Variants in CAMK4 observed in about 807,000 individuals in gnomAD.
CAMK4 encodes calcium/calmodulin-dependent protein kinase type IV.
Under a neutral mutation model 44.9 loss-of-function variants are expected in CAMK4, and 22 were observed. That is an observed-to-expected ratio of 0.49 (90% CI 0.35 to 0.70). CAMK4 has a LOEUF of 0.70. Ranked by LOEUF, CAMK4 falls within the 30% of genes least tolerant of loss-of-function variation. The pLI is 0.01. For synonymous variants in CAMK4, 218 were observed against 215.4 expected (o/e 1.01, Z -0.11); for missense variants, 498 against 586.8 (o/e 0.85, Z 1.56).
rs1345141186 is a variant in CAMK4, at chr5:111,491,650, T to C, written c.*7184T>C. ...TGAATTGAGTTGGTTGAGAGTAGAATTAAAAAGATTTCTAGCACTTTGAGC... is the reference window on the plus strand; with the variant it reads ...TGAATTGAGTTGGTTGAGAGTAGAACTAAAAAGATTTCTAGCACTTTGAGC... On this transcript the variant is annotated 3_prime_UTR_variant, in exon 11 of 11. Coordinates refer to ENST00000282356, the MANE Select transcript of CAMK4 (RefSeq NM_001744.6). 2.0e-5 allele frequency: 3 copies of C among 152,142 alleles called. No individual in the cohort carries two copies. The highest frequency in any genetic ancestry group is 7.2e-5 in the African/African-American group (3 of 41,442). The allele number at this position is 152,142 out of a possible 1,614,324, so 9.4% of individuals were successfully genotyped here. A position where few individuals can be genotyped will look rare whatever the true frequency, so the allele number is the denominator to read the frequency against.
chr5:111,241,189 T>C (rs891091779), intron 1 of CAMK4, among the ~76,000 whole-genome samples: 4 of 152,154 alleles, frequency 2.6e-5, no homozygotes, highest in African/African-American at 9.7e-5. Flanking sequence ...GCTTTTCTAC[T>C]GATGTCCTCT....
intron 5 of CAMK4, among the ~76,000 whole-genome samples, chr5:111,408,683 C>T (rs1193898629): frequency 5.3e-5 from 8 of 152,198 alleles, no homozygotes. Flanking sequence ...TCCAAAGTCT[C>T]AGCTGAGACA....
At chr5:111,381,536 C>T (rs1181671988) in intron 4 of CAMK4, among the ~76,000 whole-genome samples, 2 of 152,118 alleles carry the variant, frequency 1.3e-5, no homozygotes, top group African/African-American at 4.8e-5. Context: ...AGTCTTTCCA[C>T]GTTCTTCTGC....
intron 2 of CAMK4, among the ~76,000 whole-genome samples, chr5:111,353,240 C>T (rs1358691979): frequency 6.6e-6 from 1 of 151,692 alleles, no homozygotes; most frequent in Non-Finnish European, 1.5e-5. Flanking sequence ...CTCATGTTTC[C>T]TCACATGGTC....
intron 5 of CAMK4, 92 bp downstream of exon 5, chr5:111,394,874 A>G (rs901189898): frequency 4.0e-5 from 33 of 815,962 alleles, no homozygotes; most frequent in Admixed American, 1.9e-4. Flanking sequence ...GTGATAAGCC[A>G]TACATTTTAC....
chr5:111,393,691 C>G (rs2112859492), intron 4 of CAMK4, among the ~76,000 whole-genome samples: 1 of 151,994 alleles, frequency 6.6e-6, no homozygotes, highest in South Asian at 2.1e-4. Flanking sequence ...CAGAGAGGAA[C>G]AACACACACT....
chr5:111,270,035 C>T (rs1348069892), intron 1 of CAMK4: 2 of 152,520 alleles, frequency 1.3e-5, no homozygotes, highest in Non-Finnish European at 2.9e-5. Flanking sequence ...GATATGGCAG[C>T]GTTTCATTTC....
Position 111,490,898 on chromosome 5 carries a change from C to T in CAMK4, c.*6432C>T, listed in dbSNP as rs1746947171. 1 of 152,122 alleles carries T rather than the reference C, an allele frequency of 6.6e-6. No individual in the cohort carries two copies. The highest frequency in any genetic ancestry group is 1.5e-5 in the Non-Finnish European group (1 of 68,036). 9.4% of individuals were successfully genotyped at this position (152,122 alleles called of 1,614,324 possible). On this transcript the variant is annotated 3_prime_UTR_variant, in exon 11 of 11. Transcript: ENST00000282356. ...CCAACAGATGTTGCTGTGTTTCTTT[C>T]AACATTTTTCAATGTCTTGTGAGTT... is the stretch of plus-strand genomic sequence containing the variant.
intron 7 of CAMK4, among the ~76,000 whole-genome samples, chr5:111,470,324 C>T (rs1236887853): frequency 6.6e-6 from 1 of 152,168 alleles, no homozygotes; most frequent in Admixed American, 6.5e-5. Flanking sequence ...GAAAAGTTTT[C>T]TAGGAATAAT....
intron 1 of CAMK4, among the ~76,000 whole-genome samples, chr5:111,248,405 C>T (rs1420350713): frequency 6.6e-6 from 1 of 151,912 alleles, no homozygotes; most frequent in Non-Finnish European, 1.5e-5. Flanking sequence ...TAAGATCGAG[C>T]AGGTTCTATG....
chr5:111,372,541 CA>C (rs1158302425), intron 2 of CAMK4, among the ~76,000 whole-genome samples: 1 of 152,132 alleles, frequency 6.6e-6, no homozygotes, highest in Non-Finnish European at 1.5e-5. Context: ...CAAACGTGCA[CA>C]GGGGAGAGAG....
At position 111,224,711 on chromosome 5, in the gene CAMK4, G is replaced by T; in HGVS notation, c.161+67G>T. 1 of 1,482,362 alleles carries T rather than the reference G, an allele frequency of 6.7e-7. No individual in the cohort carries two copies. Among genetic ancestry groups the T allele is most frequent in the Non-Finnish European group, 9.2e-7 (1 of 1,089,730 alleles). 91.8% of individuals were successfully genotyped at this position (1,482,362 alleles called of 1,614,324 possible). On this transcript the variant is annotated intron_variant, in intron 1 of 10. Coordinates refer to ENST00000282356, the MANE Select transcript of CAMK4 (RefSeq NM_001744.6). The surrounding 1 kb of genome is among the most constrained non-coding windows in gnomAD (Gnocchi z 5.7). ...TGGGGGTTGTCCCTCTCGCAGCGAC[G>T]GCTCGGAGGGTGCGGGAGCCTGCCT...
At chr5:111,258,208 C>T (rs951185482) in intron 1 of CAMK4, among the ~76,000 whole-genome samples, 1 of 151,988 alleles carries the variant, frequency 6.6e-6, no homozygotes, top group Non-Finnish European at 1.5e-5. Context: ...TCCAATAGTA[C>T]CTAGTCTGAA....
intron 2 of CAMK4, chr5:111,365,029 G>A (rs1750739215): frequency 6.6e-6 from 1 of 152,048 alleles, no homozygotes; most frequent in Admixed American, 6.6e-5. Context: ...CTTCTTTGTT[G>A]AGCCTAAACT....
chr5:111,226,411 C>T (rs755430624), intron 1 of CAMK4, among the ~76,000 whole-genome samples: 1 of 152,140 alleles, frequency 6.6e-6, no homozygotes, highest in Non-Finnish European at 1.5e-5. Context: ...AAATATTAAT[C>T]GGTTATACAG....
In CAMK4 at chr5:111,344,537, T is replaced by C. The variant is rs1240585336; in HGVS notation, c.240+435T>C. Among the ~76,000 whole-genome samples the C allele has an allele frequency of 1.1e-4, 16 of 151,812 alleles. No individual in the cohort carries two copies. In the Admixed American group the frequency reaches 1.1e-3, roughly 10 times the overall value. Reference sequence around the variant, plus strand: ...AAAAGAATTTGAAATAAAGCACAAATGTATTTGTTAAAGGAGTCATCAGAT... The same window carrying C: ...AAAAGAATTTGAAATAAAGCACAAACGTATTTGTTAAAGGAGTCATCAGAT... On this transcript the variant is annotated intron_variant, in intron 2 of 10. Coordinates refer to ENST00000282356, the MANE Select transcript of CAMK4 (RefSeq NM_001744.6).
At chr5:111,336,765 A>T (rs942837161) in intron 1 of CAMK4, among the ~76,000 whole-genome samples, 1 of 151,180 alleles carries the variant, frequency 6.6e-6, no homozygotes, top group Admixed American at 6.6e-5. Flanking sequence ...TTTATTTTCC[A>T]TAAGAATGAA....
chr5:111,382,573 G>A (rs1277438044), intron 4 of CAMK4, among the ~76,000 whole-genome samples: 1 of 152,208 alleles, frequency 6.6e-6, no homozygotes, highest in East Asian at 1.9e-4. Context: ...TTGGGTTGCT[G>A]GCAGAGTATG....
chr5:111,283,094 T>C (rs1660962549), intron 1 of CAMK4: 1 of 152,240 alleles, frequency 6.6e-6, no homozygotes, highest in African/African-American at 2.4e-5. Context: ...GGTGTATTGA[T>C]TTCACAACAT....
Sources: allele counts gnomAD v4.1 joint callset (sites outside exome capture counted in the v4.1 genomes callset), GRCh38; gene constraint gnomAD v4.1.1; non-coding constraint Gnocchi (gnomAD v3.1); transcripts MANE v1.5; gene names NCBI Gene and HGNC (gene_info 2026-07-23, HGNC 2026-07-21).